The following IGF1R variants were observed in gnomAD, a reference collection of about 807,000 sequenced individuals.
IGF1R encodes the protein insulin like growth factor 1 receptor.
Under a neutral mutation model 144.6 loss-of-function variants are expected in IGF1R, and 44 were observed. The ratio of observed to expected loss-of-function variants is 0.30; its 90% CI spans 0.24 to 0.39. IGF1R has a LOEUF of 0.39. Ranked by LOEUF, IGF1R falls within the 10% of genes least tolerant of loss-of-function variation. The pLI, the probability that IGF1R is intolerant of heterozygous loss-of-function variation, is 1.00. For synonymous variants in IGF1R, 795 were observed against 722.8 expected, an observed-to-expected ratio of 1.10 and a Z score of -1.60; for missense variants, 1,355 against 1,833.7, an observed-to-expected ratio of 0.74 and a Z score of 4.77.
At chr15:98,723,295 CT>C (rs1364919997) in intron 2 of IGF1R, among the ~76,000 whole-genome samples, 4 of 152,136 alleles carry the variant, frequency 2.6e-5, no homozygotes, top group African/African-American at 4.8e-5. Flanking sequence ...TCCAGACGTT[CT>C]TCTTCTCTCC....
intron 20 of IGF1R, among the ~76,000 whole-genome samples, chr15:98,953,480 C>T (rs1383487171): frequency 6.6e-6 from 1 of 152,188 alleles, no homozygotes; most frequent in Non-Finnish European, 1.5e-5. Context: ...CTGTTGAGCT[C>T]CTCTGGGTGC....
chr15:98,764,791 A>T (rs1315557433), intron 2 of IGF1R, among the ~76,000 whole-genome samples: 2 of 152,156 alleles, frequency 1.3e-5, no homozygotes, highest in African/African-American at 4.8e-5. Flanking sequence ...AGATTTGTTT[A>T]AAAAATTTTT....
intron 2 of IGF1R, among the ~76,000 whole-genome samples, chr15:98,733,119 G>C: frequency 6.6e-6 from 1 of 152,236 alleles, no homozygotes; most frequent in Admixed American, 6.5e-5. Context: ...GGCTTCAGCA[G>C]ACCTTGGTGG....
rs537698042 is a variant in IGF1R, at chr15:98,922,072, G to T, written c.2202-76G>T. On this transcript the variant is annotated intron_variant, in intron 10 of 20. Coordinates refer to ENST00000650285, the MANE Select transcript of IGF1R (RefSeq NM_000875.5). ...TCTATTCCACGGTTAAGATTCTTCT[G>T]TTACTCTTACTCAAGTCATAGAAAA... 9.9e-6 allele frequency: 15 copies of T among 1,516,418 alleles called. No individual in the cohort carries two copies. In the African/African-American group the frequency reaches 1.6e-4, roughly 17 times the overall value. 93.9% of individuals were successfully genotyped at this position (1,516,418 alleles called of 1,614,324 possible). A position where few individuals can be genotyped will look rare whatever the true frequency, so the allele number is the denominator to read the frequency against.
At chr15:98,736,501 G>T (rs950966805) in intron 2 of IGF1R, among the ~76,000 whole-genome samples, 4 of 151,986 alleles carry the variant, frequency 2.6e-5, no homozygotes, top group African/African-American at 9.7e-5. Flanking sequence ...GGGTGATATC[G>T]TAACTTCGTG....
rs139280569 is a variant in IGF1R, at chr15:98,765,308, C to CTTTTTTT, written c.640+57223_640+57229dup. On this transcript the variant is annotated intron_variant, in intron 2 of 20. Coordinates refer to ENST00000650285, the MANE Select transcript of IGF1R (RefSeq NM_000875.5). ...TCTCACCCAATGATCATGCCAACAC[C>CTTTTTTT]TTTTTTTTTTTTTTTTTTTTTTTTT... Among the ~76,000 whole-genome samples the CTTTTTTT allele has an allele frequency of 2.7e-4, 17 of 61,822 alleles. 1 individual carries two copies. The highest frequency in any genetic ancestry group is 8.7e-4 in the African/African-American group (13 of 15,022). 40.6% of individuals were successfully genotyped at this position (61,822 alleles called of 152,430 possible). A position where few individuals can be genotyped will look rare whatever the true frequency, so the allele number is the denominator to read the frequency against.
intron 2 of IGF1R, among the ~76,000 whole-genome samples, chr15:98,858,685 C>G (rs2011972027): frequency 6.6e-6 from 1 of 152,228 alleles, no homozygotes; most frequent in African/African-American, 2.4e-5. Context: ...GAGGTCTCGC[C>G]TGGGCTTCCT....
intron 2 of IGF1R, among the ~76,000 whole-genome samples, chr15:98,843,878 T>C (rs572529378): frequency 2.6e-4 from 39 of 152,336 alleles, no homozygotes; most frequent in African/African-American, 8.7e-4. Flanking sequence ...ACGATAGCAA[T>C]GAAAAAATTC....
intron 20 of IGF1R, among the ~76,000 whole-genome samples, chr15:98,950,479 C>A (rs933754050): frequency 6.6e-6 from 1 of 152,206 alleles, no homozygotes; most frequent in Non-Finnish European, 1.5e-5. Flanking sequence ...GGGTTCTGCA[C>A]TTGCAGGACT....
chr15:98,801,745 T>A (rs1357207132), intron 2 of IGF1R, among the ~76,000 whole-genome samples: 3 of 152,196 alleles, frequency 2.0e-5, no homozygotes, highest in African/African-American at 7.2e-5. Flanking sequence ...GGTTAAGAAC[T>A]CCCTCTTCCA....
At chr15:98,812,063 C>A (rs2056603009) in intron 2 of IGF1R, among the ~76,000 whole-genome samples, 1 of 152,164 alleles carries the variant, frequency 6.6e-6, no homozygotes, top group Non-Finnish European at 1.5e-5. Context: ...AGTTTTAAGT[C>A]TCCATTTGAT....
At chr15:98,859,295 C>T (rs1260560440) in intron 2 of IGF1R, among the ~76,000 whole-genome samples, 1 of 152,110 alleles carries the variant, frequency 6.6e-6, no homozygotes, top group Non-Finnish European at 1.5e-5. Flanking sequence ...CATTGTTTTA[C>T]GGAAGAACAA....
chr15:98,893,998 C>T (rs940687310), intron 3 of IGF1R, among the ~76,000 whole-genome samples: 1 of 152,160 alleles, frequency 6.6e-6, no homozygotes, highest in African/African-American at 2.4e-5. Context: ...GTTATCAAAA[C>T]ACTTCCTTAG....
chr15:98,824,748 A>G (rs2056861126), intron 2 of IGF1R, among the ~76,000 whole-genome samples: 1 of 152,102 alleles, frequency 6.6e-6, no homozygotes, highest in Admixed American at 6.5e-5. Context: ...ATTTTTTCCT[A>G]AACACTCTGT....
intron 2 of IGF1R, among the ~76,000 whole-genome samples, chr15:98,739,837 C>T (rs1440186325): frequency 6.6e-6 from 1 of 152,138 alleles, no homozygotes; most frequent in Non-Finnish European, 1.5e-5. Flanking sequence ...AGCAGTCTGC[C>T]CACCTTGGCT....
rs147165368 is a variant in IGF1R at position 98,697,454 on chromosome 15, G to GA, written c.95-10107dup. On this transcript the variant is annotated intron_variant, in intron 1 of 20. Coordinates refer to ENST00000650285, the MANE Select transcript of IGF1R (RefSeq NM_000875.5). ...GGGAGTCAGTGCAGCACTCCTGGGG[G>GA]ACCCTTCTGTTTGTGTCCTGACGAA... Among the ~76,000 whole-genome samples the GA allele has an allele frequency of 4.8e-3, 738 of 152,280 alleles. 11 individuals are homozygous for GA. Among genetic ancestry groups the GA allele is most frequent in the African/African-American group, 0.017 (699 of 41,566 alleles).
chr15:98,955,116 G>A (rs376265095), intron 20 of IGF1R, among the ~76,000 whole-genome samples: 5 of 152,152 alleles, frequency 3.3e-5, no homozygotes, highest in Non-Finnish European at 5.9e-5. Context: ...TAACATGGGG[G>A]TATATTATAG....
rs1157249222 is a variant in IGF1R, at chr15:98,649,463, A to G, written c.-119A>G. The G allele has an allele frequency of 1.5e-6, 1 of 679,354 alleles. No individual in the cohort carries two copies. The highest frequency in any genetic ancestry group is 2.4e-6 in the Non-Finnish European group (1 of 414,212). The allele number at this position is 679,354 out of a possible 1,614,324, so 42.1% of individuals were successfully genotyped here. On this transcript the variant is annotated 5_prime_UTR_variant, in exon 1 of 21. Transcript: ENST00000650285. ...TTGTTTCCTTCGCCCTTGTTTTTGGAGGGGGAGCGAAGACTGAGTTTGAGA... is the reference window on the plus strand; with the variant it reads ...TTGTTTCCTTCGCCCTTGTTTTTGGGGGGGGAGCGAAGACTGAGTTTGAGA...
intron 1 of IGF1R, among the ~76,000 whole-genome samples, chr15:98,677,999 T>A (rs2053090881): frequency 2.0e-5 from 3 of 152,220 alleles, no homozygotes; most frequent in African/African-American, 7.2e-5. Flanking sequence ...AATGCCTCTG[T>A]TTCTCAATGT....
Sources: allele counts gnomAD v4.1 joint callset (sites outside exome capture counted in the v4.1 genomes callset), GRCh38; gene constraint gnomAD v4.1.1; transcripts MANE v1.5; gene names NCBI Gene and HGNC (gene_info 2026-07-23, HGNC 2026-07-21).